The following CTIF variants were observed in gnomAD, a reference collection of about 807,000 sequenced individuals.
CTIF encodes CBP80/20-dependent translation initiation factor.
In CTIF, 21 loss-of-function variants were observed where a neutral mutation model predicts 66.0. That is an observed-to-expected ratio of 0.32 (90% confidence interval 0.23 to 0.46). The LOEUF (loss-of-function observed/expected upper bound fraction) is 0.46. CTIF is among the 20% of genes least tolerant of loss of function. The pLI is 1.00. For synonymous variants in CTIF, 345 were observed against 326.4 expected (o/e 1.06, Z -0.62); for missense variants, 739 against 812.7 (o/e 0.91, Z 1.10).
Position 48,573,946 on chromosome 18 carries a change from G to T in CTIF, c.-29+34634G>T, listed in dbSNP as rs577170853. 2.3e-4 allele frequency among the ~76,000 whole-genome samples: 35 copies of T among 152,320 alleles called. No homozygotes were observed. In the South Asian group the frequency reaches 7.2e-3, roughly 32 times the overall value. ...CCCTGGTGGCTGGTGTCATTACCCA[G>T]GGGGAAGGCAGTCGCATCCCCAGCA... On this transcript the variant is annotated intron_variant, in intron 1 of 11. Transcript: ENST00000256413.
intron 1 of CTIF, among the ~76,000 whole-genome samples, chr18:48,541,071 C>T (rs908124467): frequency 1.4e-4 from 21 of 152,194 alleles, no homozygotes; most frequent in Admixed American, 1.1e-3. Context: ...CCAGTCCACG[C>T]TGGGGTGACC....
At chr18:48,751,750 C>T (rs955370191) in intron 7 of CTIF, among the ~76,000 whole-genome samples, 3 of 152,202 alleles carry the variant, frequency 2.0e-5, no homozygotes, top group Non-Finnish European at 4.4e-5. Context: ...CTGAAGGACT[C>T]TGTAGGGACA....
intron 6 of CTIF, among the ~76,000 whole-genome samples, chr18:48,703,067 C>G (rs1374596910): frequency 6.6e-6 from 1 of 152,116 alleles, no homozygotes; most frequent in African/African-American, 2.4e-5. Flanking sequence ...GATGTCTACC[C>G]AGGTTGGGGC....
At chr18:48,716,988 C>T (rs879364369) in intron 7 of CTIF, among the ~76,000 whole-genome samples, 2 of 152,172 alleles carry the variant, frequency 1.3e-5, no homozygotes, top group Non-Finnish European at 2.9e-5. Flanking sequence ...ACCTGGCGTG[C>T]GGAGTGGGCC....
rs770531562 is a variant in CTIF at position 48,761,415 on chromosome 18, C to T, written c.1097C>T (p.Thr366Ile). ...EKDEVAVETT[T>I]PQQNKMDKLI... Reference sequence around the variant, plus strand: ...GATGAAGTGGCCGTGGAGACGACCACTCCCCAGCAGAACAAGATGGACAAG... The same window carrying T: ...GATGAAGTGGCCGTGGAGACGACCATTCCCCAGCAGAACAAGATGGACAAG... Residue 366 changes from threonine (T) to isoleucine (I), a missense_variant, in exon 9 of 12, where the codon ACT becomes ATT. Physicochemically the swap from Thr to Ile is moderately conservative, Grantham distance 89. This residue lies in a region of CTIF where 529 missense variants were observed against 520.3 expected (regional missense o/e 1.02). Transcript: ENST00000256413. The surrounding 1 kb of genome is among the most constrained non-coding windows in gnomAD (Gnocchi z 4.2). The T allele has an allele frequency of 6.2e-7, 1 of 1,613,922 alleles. No homozygotes were observed. The highest frequency in any genetic ancestry group is 1.3e-5 in the African/African-American group (1 of 75,050).
chr18:48,680,792 A>G (rs1598857635), intron 6 of CTIF, among the ~76,000 whole-genome samples: 3 of 152,140 alleles, frequency 2.0e-5, no homozygotes, highest in Admixed American at 2.0e-4. Flanking sequence ...GGCTTGGGGG[A>G]AGAGGAAGGT....
intron 9 of CTIF, among the ~76,000 whole-genome samples, chr18:48,796,551 G>A (rs1041612546): frequency 6.6e-6 from 1 of 152,082 alleles, no homozygotes; most frequent in East Asian, 1.9e-4. Context: ...CCTGTGTGCC[G>A]ACAAAGGGAG....
intron 7 of CTIF, among the ~76,000 whole-genome samples, chr18:48,732,911 G>A (rs951149998): frequency 2.6e-5 from 4 of 152,208 alleles, no homozygotes; most frequent in South Asian, 2.1e-4. Context: ...AATAGAGGCC[G>A]TGGTGTGCCT....
chr18:48,561,510 T>A (rs1006335086), intron 1 of CTIF, among the ~76,000 whole-genome samples: 1 of 152,160 alleles, frequency 6.6e-6, no homozygotes, highest in Non-Finnish European at 1.5e-5. Context: ...TTAAGACCCT[T>A]CTCAGAGAAA....
In CTIF at chr18:48,671,349, G is replaced by T. The variant is rs192841595; in HGVS notation, c.507+605G>T. ...CTAGCTGCTCTCAGGAGTGTGACTG[G>T]GCCTGCTGCAGGGGTGTAAAAGCAG... On this transcript the variant is annotated intron_variant, in intron 6 of 11. Transcript: ENST00000256413. Among the ~76,000 whole-genome samples, 793 of 152,250 alleles carry T rather than the reference G, an allele frequency of 5.2e-3. 2 individuals are homozygous for T. The highest frequency in any genetic ancestry group is 7.5e-3 in the Non-Finnish European group (511 of 68,014).
chr18:48,628,820 T>C (rs375567825), intron 2 of CTIF, among the ~76,000 whole-genome samples: 30 of 152,150 alleles, frequency 2.0e-4, no homozygotes, highest in East Asian at 1.3e-3. Context: ...TCTCTCTCTC[T>C]CAAATCTCAG....
chr18:48,659,965 G>A (rs1031250294), intron 3 of CTIF, among the ~76,000 whole-genome samples: 2 of 151,992 alleles, frequency 1.3e-5, no homozygotes, highest in Non-Finnish European at 2.9e-5. Flanking sequence ...GGAGTTGTGG[G>A]GATTCAATGA....
At position 48,727,070 on chromosome 18, in the gene CTIF, GCACACACA is replaced by G. The variant is rs35188197; in HGVS notation, c.584+15403_584+15410del. 6.5e-4 allele frequency among the ~76,000 whole-genome samples: 94 copies of G among 144,590 alleles called. No individual in the cohort carries two copies. In the Middle Eastern group the frequency reaches 0.021, roughly 32 times the overall value. The allele number at this position is 144,590 out of a possible 152,430, so 94.9% of individuals were successfully genotyped here. A position where few individuals can be genotyped will look rare whatever the true frequency, so the allele number is the denominator to read the frequency against. On this transcript the variant is annotated intron_variant, in intron 7 of 11. Transcript: ENST00000256413. Reference sequence around the variant, plus strand: ...TGAGATTTAAGGAGGCAAGTTAGCTGCACACACACACACACACACACACACACACACAC... The same window carrying G: ...TGAGATTTAAGGAGGCAAGTTAGCTGCACACACACACACACACACACACAC...
intron 1 of CTIF, among the ~76,000 whole-genome samples, chr18:48,562,251 G>A (rs1418704211): frequency 6.6e-6 from 1 of 152,206 alleles, no homozygotes; most frequent in Non-Finnish European, 1.5e-5. Flanking sequence ...TATGAGATGA[G>A]CAGTAGTATC....
chr18:48,834,479 C>G (rs542381265), intron 10 of CTIF, among the ~76,000 whole-genome samples: 6 of 152,230 alleles, frequency 3.9e-5, no homozygotes, highest in Non-Finnish European at 5.9e-5. Context: ...TCCCTGATCC[C>G]GCTGTGTGGT....
chr18:48,816,114 C>G (rs1165235315), intron 9 of CTIF, among the ~76,000 whole-genome samples: 1 of 152,154 alleles, frequency 6.6e-6, no homozygotes, highest in Non-Finnish European at 1.5e-5. Flanking sequence ...CTAGGCTAGA[C>G]TTAGGTGAGG....
At chr18:48,706,088 C>T (rs1179665423) in intron 6 of CTIF, among the ~76,000 whole-genome samples, 3 of 152,106 alleles carry the variant, frequency 2.0e-5, no homozygotes, top group Non-Finnish European at 2.9e-5. Flanking sequence ...GGTAGATGGA[C>T]GTCAAGTGTT....
At chr18:48,627,508 C>T (rs1279469805) in intron 2 of CTIF, among the ~76,000 whole-genome samples, 1 of 152,054 alleles carries the variant, frequency 6.6e-6, no homozygotes, top group Non-Finnish European at 1.5e-5. Context: ...CACTTGAGCC[C>T]AGGAGTTCGA....
intron 7 of CTIF, among the ~76,000 whole-genome samples, chr18:48,720,245 G>C (rs1054570625): frequency 1.3e-5 from 2 of 152,216 alleles, no homozygotes; most frequent in African/African-American, 4.8e-5. Flanking sequence ...TTCGTGTGTG[G>C]TGGTAGCTTC....
Sources: allele counts gnomAD v4.1 joint callset (sites outside exome capture counted in the v4.1 genomes callset), GRCh38; gene constraint gnomAD v4.1.1; regional missense constraint gnomAD v4.1.1; non-coding constraint Gnocchi (gnomAD v3.1); transcripts MANE v1.5; gene names NCBI Gene and HGNC (gene_info 2026-07-23, HGNC 2026-07-21).